The following LINGO2 variants were observed in gnomAD, a reference collection of about 807,000 sequenced individuals.
LINGO2 encodes leucine-rich repeat and immunoglobulin-like domain-containing nogo receptor-interacting protein 2.
In LINGO2, 14 loss-of-function variants were observed where a neutral mutation model predicts 30.6. That is an observed-to-expected ratio of 0.46 (90% CI 0.30 to 0.72). LINGO2 has a LOEUF of 0.72. Among genes scored for constraint, LINGO2 ranks in the 30% least tolerant of loss-of-function variants. LINGO2 has a pLI of 0.07. For missense variants in LINGO2, 729 were observed against 751.7 expected (o/e 0.97, Z 0.35); for synonymous variants, 317 against 288.5 (o/e 1.10, Z -1.00).
the LINGO2 span, among the ~76,000 whole-genome samples, chr9:28,921,624 G>A: frequency 3.9e-5 from 6 of 152,198 alleles, no homozygotes; most frequent in Middle Eastern, 3.4e-3. Context: ...CTAAGAGAGC[G>A]GAGCAAGGAG....
the LINGO2 span, among the ~76,000 whole-genome samples, chr9:28,822,312 G>A: frequency 5.3e-5 from 8 of 152,114 alleles, no homozygotes; most frequent in Admixed American, 1.3e-4. Flanking sequence ...CCTGCACTAC[G>A]AGGAAGAGGA....
At chr9:28,249,902 C>T (rs1010606225) in intron 4 of LINGO2, among the ~76,000 whole-genome samples, 1 of 152,010 alleles carries the variant, frequency 6.6e-6, no homozygotes, top group African/African-American at 2.4e-5. Context: ...AACCATTTTT[C>T]CTTTGGTCAA....
At chr9:28,110,247 A>C (rs1826733878) in intron 4 of LINGO2, among the ~76,000 whole-genome samples, 1 of 152,214 alleles carries the variant, frequency 6.6e-6, no homozygotes, top group Non-Finnish European at 1.5e-5. Flanking sequence ...AATTATCTCA[A>C]GATGTATTAA....
intron 4 of LINGO2, among the ~76,000 whole-genome samples, chr9:28,150,376 G>A (rs1175399627): frequency 1.3e-5 from 2 of 152,160 alleles, no homozygotes; most frequent in Non-Finnish European, 2.9e-5. Context: ...TAAAAAAAAG[G>A]AGATTGAGAT....
At chr9:28,259,349 TTTC>T (rs1338918801) in intron 4 of LINGO2, among the ~76,000 whole-genome samples, 1 of 152,026 alleles carries the variant, frequency 6.6e-6, no homozygotes, top group African/African-American at 2.4e-5. Flanking sequence ...CTAATGTTTT[TTTC>T]TTCTTCTCTT....
chr9:28,811,454 C>T, the LINGO2 span, among the ~76,000 whole-genome samples: 1 of 152,194 alleles, frequency 6.6e-6, no homozygotes, highest in Non-Finnish European at 1.5e-5. Flanking sequence ...TTAAAATTAT[C>T]GAATATCTTC....
chr9:28,263,422 A>G (rs573067840), intron 4 of LINGO2, among the ~76,000 whole-genome samples: 16 of 152,122 alleles, frequency 1.1e-4, no homozygotes, highest in African/African-American at 7.2e-5. Context: ...TACCACTCAC[A>G]CTAAAGAAGA....
the LINGO2 span, among the ~76,000 whole-genome samples, chr9:28,855,877 C>T: frequency 8.6e-5 from 13 of 152,034 alleles, no homozygotes; most frequent in Non-Finnish European, 1.5e-4. Context: ...CCCTTCCATC[C>T]CTGACTATTC....
the LINGO2 span, among the ~76,000 whole-genome samples, chr9:28,987,814 G>A: frequency 6.6e-6 from 1 of 151,966 alleles, no homozygotes; most frequent in African/African-American, 2.4e-5. Flanking sequence ...GGCACATATT[G>A]TTTAATTTCC....
chr9:28,913,236 C>T, the LINGO2 span, among the ~76,000 whole-genome samples: 2 of 151,982 alleles, frequency 1.3e-5, no homozygotes, highest in Non-Finnish European at 2.9e-5. Flanking sequence ...ATTATTATAA[C>T]ATGTGATGTA....
chr9:28,823,405 C>T, the LINGO2 span, among the ~76,000 whole-genome samples: 3 of 152,090 alleles, frequency 2.0e-5, no homozygotes, highest in African/African-American at 7.2e-5. Flanking sequence ...CCGAAGATTA[C>T]CATAACGTAT....
At chr9:28,110,510 A>C (rs1826743942) in intron 4 of LINGO2, among the ~76,000 whole-genome samples, 1 of 152,232 alleles carries the variant, frequency 6.6e-6, no homozygotes, top group Admixed American at 6.5e-5. Context: ...ACAAAGGTCT[A>C]ATATCCAGAA....
intron 1 of LINGO2, among the ~76,000 whole-genome samples, chr9:28,562,887 C>A (rs1823175743): frequency 6.6e-6 from 1 of 152,016 alleles, no homozygotes; most frequent in Non-Finnish European, 1.5e-5. Context: ...CTCTCTGTCA[C>A]CCAGGCTGCA....
In LINGO2 at chr9:28,034,419, T is replaced by C. The variant is rs188237799; in HGVS notation, c.-86-22014A>G. 2.6e-3 allele frequency among the ~76,000 whole-genome samples: 403 copies of C among 152,332 alleles called. 1 individual carries two copies. Among genetic ancestry groups the C allele is most frequent in the Middle Eastern group, 0.01 (3 of 294 alleles). On this transcript the variant is annotated intron_variant, in intron 4 of 5. Transcript: ENST00000379992. The stretch of plus-strand genomic sequence containing the variant: ...AGCATTTTCTGACAGTTTTCCAAAA[T>C]GTGTATATTCCAGGCAGTTAGTTGG...
chr9:28,840,551 C>A, the LINGO2 span, among the ~76,000 whole-genome samples: 1 of 151,884 alleles, frequency 6.6e-6, no homozygotes, highest in South Asian at 2.1e-4. Context: ...TTCAGTCAAA[C>A]ATCTTTTATC....
chr9:28,767,640 G>C, the LINGO2 span, among the ~76,000 whole-genome samples: 1 of 151,900 alleles, frequency 6.6e-6, no homozygotes, highest in African/African-American at 2.4e-5. Flanking sequence ...AAAAAAATTA[G>C]CCGGGCGTGG....
intron 4 of LINGO2, among the ~76,000 whole-genome samples, chr9:28,265,558 T>C (rs1822719131): frequency 6.6e-6 from 1 of 151,990 alleles, no homozygotes; most frequent in Non-Finnish European, 1.5e-5. Context: ...TATTTTTGCT[T>C]TTAGGAAATA....
chr9:28,351,446 C>T (rs1200449626), intron 3 of LINGO2, among the ~76,000 whole-genome samples: 3 of 151,658 alleles, frequency 2.0e-5, no homozygotes, highest in African/African-American at 7.3e-5. Flanking sequence ...CAAGACTAAA[C>T]CAGGAAGAAG....
the LINGO2 span, among the ~76,000 whole-genome samples, chr9:29,022,304 A>G: frequency 5.9e-5 from 9 of 152,298 alleles, no homozygotes; most frequent in South Asian, 1.4e-3. Context: ...GTCCCAGGGA[A>G]AGTGTTTCTT....
Sources: allele counts gnomAD v4.1 joint callset (sites outside exome capture counted in the v4.1 genomes callset), GRCh38; gene constraint gnomAD v4.1.1; transcripts MANE v1.5; gene names NCBI Gene and HGNC (gene_info 2026-07-23, HGNC 2026-07-21).